MSRA: variants seen among roughly 807,000 people sequenced by gnomAD.
MSRA encodes the protein methionine sulfoxide reductase A.
Under a neutral mutation model 31.3 loss-of-function variants are expected in MSRA, and 54 were observed. That is an observed-to-expected ratio of 1.73 (90% confidence interval 1.39 to 2.17). The LOEUF (loss-of-function observed/expected upper bound fraction) is 2.17. MSRA is among the 30% of genes most tolerant of loss of function. The pLI is 0.00. For synonymous variants in MSRA, 169 were observed against 116.5 expected (o/e 1.45, Z -2.90); for missense variants, 507 against 300.9 (o/e 1.69, Z -5.07).
chr8:10,302,381 A>C (rs1203151787), intron 4 of MSRA, among the ~76,000 whole-genome samples: 1 of 152,266 alleles, frequency 6.6e-6, no homozygotes, highest in Non-Finnish European at 1.5e-5. Context: ...TGAACTGAAA[A>C]GTCCTATGCA....
chr8:10,126,260 T>C (rs1563125654), intron 1 of MSRA, among the ~76,000 whole-genome samples: 1 of 152,230 alleles, frequency 6.6e-6, no homozygotes, highest in Non-Finnish European at 1.5e-5. Flanking sequence ...TTTTAGTTAC[T>C]TCTTTTTTAA....
chr8:10,233,446 T>C (rs532743218), intron 2 of MSRA, among the ~76,000 whole-genome samples: 5 of 152,370 alleles, frequency 3.3e-5, no homozygotes, highest in African/African-American at 1.2e-4. Flanking sequence ...AATGTGTGTT[T>C]AGGATGTTCA....
At chr8:10,147,158 G>T (rs1803217685) in intron 1 of MSRA, among the ~76,000 whole-genome samples, 2 of 152,212 alleles carry the variant, frequency 1.3e-5, no homozygotes, top group Admixed American at 1.3e-4. Context: ...GCACGAGTGG[G>T]AGAGAGGGTC....
chr8:10,093,401 A>G lies in MSRA; in HGVS notation c.142+38743A>G, dbSNP rs149885987. Among the ~76,000 whole-genome samples, 315 of 152,294 alleles carry G rather than the reference A, an allele frequency of 2.1e-3. 2 individuals carry two copies. The highest frequency in any genetic ancestry group is 6.8e-3 in the African/African-American group (282 of 41,580). ...ACAGTTAACATCTTAATTTATAACAATCTAATTCAGATTAATACCAATGTA... is the reference window on the plus strand; with the variant it reads ...ACAGTTAACATCTTAATTTATAACAGTCTAATTCAGATTAATACCAATGTA... On this transcript the variant is annotated intron_variant, in intron 1 of 5. Transcript: ENST00000317173.
chr8:10,337,674 T>C (rs1420807329), intron 5 of MSRA: 1 of 697,672 alleles, frequency 1.4e-6, no homozygotes, highest in African/African-American at 1.8e-5. Context: ...GAATGATTTT[T>C]CATCTTGAAC....
intron 4 of MSRA, among the ~76,000 whole-genome samples, chr8:10,314,314 T>A (rs1358238963): frequency 6.6e-6 from 1 of 152,094 alleles, no homozygotes; most frequent in African/African-American, 2.4e-5. Context: ...CTTAAATGTA[T>A]GTGCAGTATT....
chr8:10,055,884 A>G (rs76288166), intron 1 of MSRA, among the ~76,000 whole-genome samples: 6 of 152,132 alleles, frequency 3.9e-5, no homozygotes, highest in Non-Finnish European at 7.4e-5. Flanking sequence ...TCGAATTAGC[A>G]GTTTCTGTTT....
intron 1 of MSRA, among the ~76,000 whole-genome samples, chr8:10,200,544 C>T (rs182379123): frequency 3.9e-5 from 6 of 152,158 alleles, no homozygotes; most frequent in African/African-American, 9.7e-5. Context: ...TGCTGGTTGT[C>T]GCTTGCCTTC....
intron 1 of MSRA, among the ~76,000 whole-genome samples, chr8:10,193,116 A>T (rs1476060266): frequency 1.3e-5 from 2 of 152,192 alleles, no homozygotes; most frequent in Non-Finnish European, 1.5e-5. Context: ...TCGAAATCAG[A>T]TTTACTGCAA....
intron 1 of MSRA, among the ~76,000 whole-genome samples, chr8:10,121,330 G>C (rs1191365292): frequency 2.0e-5 from 3 of 152,152 alleles, no homozygotes; most frequent in Non-Finnish European, 4.4e-5. Flanking sequence ...AGGACTTGTG[G>C]GCAGCACTGA....
intron 5 of MSRA, among the ~76,000 whole-genome samples, chr8:10,363,517 T>C (rs200767439): frequency 1.3e-5 from 2 of 152,258 alleles, no homozygotes; most frequent in East Asian, 3.9e-4. Flanking sequence ...CGTGCCTGTC[T>C]TGTAGCATGA....
rs71203323 is a variant in MSRA at position 10,418,815 on chromosome 8, TAAAAAAAAAAA to T, written c.544-9320_544-9310del. Reference sequence around the variant, plus strand: ...TATGTTATGTGTATTTTACTACGACTAAAAAAAAAAAAAAAAAAAAAAACCAACAAAAAAAA... The same window carrying T: ...TATGTTATGTGTATTTTACTACGACTAAAAAAAAAAAACCAACAAAAAAAA... On this transcript the variant is annotated intron_variant, in intron 5 of 5. Coordinates refer to ENST00000317173, the MANE Select transcript of MSRA (RefSeq NM_012331.5). 1.9e-3 allele frequency among the ~76,000 whole-genome samples: 126 copies of T among 66,042 alleles called. 2 individuals carry two copies. Among genetic ancestry groups the T allele is most frequent in the South Asian group, 7.4e-3 (8 of 1,074 alleles). 43.3% of individuals were successfully genotyped at this position (66,042 alleles called of 152,430 possible).
chr8:10,133,341 G>A lies in MSRA; in HGVS notation c.143-74492G>A, dbSNP rs367769443. Among the ~76,000 whole-genome samples, 6 of 152,292 alleles carry A rather than the reference G, an allele frequency of 3.9e-5. No individual in the cohort carries two copies. In the South Asian group the frequency reaches 8.3e-4, roughly 21 times the overall value. ...ATATGTATTAGAAAGAGGACAGTCC[G>A]TGGGGTGCTCTGCCTCCTGGACTCC... On this transcript the variant is annotated intron_variant, in intron 1 of 5. Transcript: ENST00000317173.
chr8:10,110,731 A>G (rs1024961452), intron 1 of MSRA, among the ~76,000 whole-genome samples: 8 of 152,216 alleles, frequency 5.3e-5, no homozygotes, highest in African/African-American at 1.9e-4. Flanking sequence ...GTCTTTGGTA[A>G]GTTATTCTGT....
At chr8:10,138,009 G>A (rs1333409689) in intron 1 of MSRA, among the ~76,000 whole-genome samples, 3 of 152,140 alleles carry the variant, frequency 2.0e-5, no homozygotes, top group African/African-American at 7.2e-5. Flanking sequence ...TAATGCATAA[G>A]GCAGCAGGGA....
intron 5 of MSRA, among the ~76,000 whole-genome samples, chr8:10,349,055 G>T (rs184902566): frequency 6.6e-6 from 1 of 152,124 alleles, no homozygotes; most frequent in Non-Finnish European, 1.5e-5. Context: ...AAAGAATGCC[G>T]ACAAAATTTG....
intron 1 of MSRA, among the ~76,000 whole-genome samples, chr8:10,110,241 A>G (rs570309748): frequency 1.3e-5 from 2 of 152,334 alleles, no homozygotes; most frequent in South Asian, 4.1e-4. Context: ...GGACTGTTTC[A>G]GTGGATGTTT....
chr8:10,305,708 C>T (rs371552186), intron 4 of MSRA, among the ~76,000 whole-genome samples: 1 of 152,202 alleles, frequency 6.6e-6, no homozygotes, highest in Admixed American at 6.5e-5. Flanking sequence ...GCATGAACCA[C>T]TGTGCCTAGC....
At chr8:10,288,500 G>T (rs574288800) in intron 3 of MSRA, among the ~76,000 whole-genome samples, 7 of 152,256 alleles carry the variant, frequency 4.6e-5, no homozygotes, top group Non-Finnish European at 8.8e-5. Flanking sequence ...GTTGCTTGTT[G>T]TGTTGGCATG....
Sources: allele counts gnomAD v4.1 joint callset (sites outside exome capture counted in the v4.1 genomes callset), GRCh38; gene constraint gnomAD v4.1.1; transcripts MANE v1.5; gene names NCBI Gene and HGNC (gene_info 2026-07-23, HGNC 2026-07-21).